The following PPIL3 variants were observed in gnomAD, a reference collection of about 807,000 sequenced individuals.
The protein encoded by PPIL3 is peptidyl-prolyl cis-trans isomerase-like 3.
PPIL3 carries 13 observed loss-of-function variants against 20.9 expected under a neutral mutation model. The ratio of observed to expected loss-of-function variants is 0.62; its 90% CI spans 0.40 to 0.99. The LOEUF is 0.99. PPIL3 is among the 50% of genes least tolerant of loss of function. The pLI is 0.00. For missense variants in PPIL3, 170 were observed against 195.2 expected (o/e 0.87, Z 0.77); for synonymous variants, 71 against 64.4 (o/e 1.10, Z -0.49).
In PPIL3 at chr2:200,885,760, G is replaced by A; in HGVS notation, c.16C>T (p.His6Tyr). Reference sequence around the variant, plus strand: ...ATTTTAATATCACCTACATCTGTATGCAGTGTCACAGACTAAAAAGGAGAG... The same window carrying A: ...ATTTTAATATCACCTACATCTGTATACAGTGTCACAGACTAAAAAGGAGAG... MSVTL[H>Y]TDVGDIKIEV... Residue 6 changes from histidine (H) to tyrosine (Y), a missense_variant, in exon 3 of 7, where the codon CAT becomes TAT. His to Tyr is a moderately conservative substitution (Grantham distance 83). Transcript: ENST00000392283. The A allele has an allele frequency of 3.8e-6, 6 of 1,587,722 alleles. No homozygotes were observed. The highest frequency in any genetic ancestry group is 5.2e-6 in the Non-Finnish European group (6 of 1,160,428).
intron 5 of PPIL3, among the ~76,000 whole-genome samples, chr2:200,877,911 T>G (rs543861262): frequency 6.6e-6 from 1 of 152,246 alleles, no homozygotes; most frequent in African/African-American, 2.4e-5. Flanking sequence ...CAAGAGACAG[T>G]GTATAGAAAT....
chr2:200,877,420 A>T, intron 5 of PPIL3: 1 of 158,104 alleles, frequency 6.3e-6, no homozygotes, highest in Non-Finnish European at 1.4e-5. Flanking sequence ...TTTCTCAATT[A>T]ATTTCATTTT....
chr2:200,882,922 A>G (rs1446504809), intron 3 of PPIL3, among the ~76,000 whole-genome samples: 1 of 151,090 alleles, frequency 6.6e-6, no homozygotes, highest in Non-Finnish European at 1.5e-5. Context: ...AACCAAAAAC[A>G]AAAAGAAAAT....
intron 2 of PPIL3, 29 bp downstream of exon 2, chr2:200,887,584 A>G (rs749388531): frequency 9.7e-6 from 15 of 1,546,666 alleles, no homozygotes; most frequent in Non-Finnish European, 1.3e-5. Context: ...ATAATGAAAG[A>G]CATTAGATAA....
intron 5 of PPIL3, among the ~76,000 whole-genome samples, chr2:200,879,408 C>T (rs1042584074): frequency 1.2e-4 from 19 of 152,036 alleles, no homozygotes; most frequent in Non-Finnish European, 2.4e-4. Context: ...TGTGAGCCAC[C>T]GCGCCCGGCC....
intron 6 of PPIL3, among the ~76,000 whole-genome samples, chr2:200,871,909 C>G (rs535094490): frequency 1.8e-4 from 27 of 152,308 alleles, no homozygotes; most frequent in Non-Finnish European, 3.2e-4. Context: ...CTCCAATTCT[C>G]TGGGTATCCC....
chr2:200,871,232 G>C lies in PPIL3; in HGVS notation c.*163C>G, dbSNP rs1444520531. 1 of 530,566 alleles carries C rather than the reference G, an allele frequency of 1.9e-6. No homozygotes were observed. Among genetic ancestry groups the C allele is most frequent in the Non-Finnish European group, 3.2e-6 (1 of 307,772 alleles). 32.9% of individuals were successfully genotyped at this position (530,566 alleles called of 1,614,324 possible). A position where few individuals can be genotyped will look rare whatever the true frequency, so the allele number is the denominator to read the frequency against. ...TAATAAAGAATATGCTCTAAGAATG[G>C]GGATAAAAGCTGTTGGGCGCCCCTT... On this transcript the variant is annotated 3_prime_UTR_variant, in exon 7 of 7. Coordinates refer to ENST00000392283, the MANE Select transcript of PPIL3 (RefSeq NM_130906.3).
intron 6 of PPIL3, among the ~76,000 whole-genome samples, chr2:200,874,190 G>A (rs1251233552): frequency 2.1e-5 from 3 of 140,712 alleles, no homozygotes; most frequent in African/African-American, 8.1e-5. Context: ...GGGCGACAGA[G>A]TGAGACTCTG....
At chr2:200,876,510 T>C (rs1049962229) in intron 6 of PPIL3, among the ~76,000 whole-genome samples, 3 of 151,454 alleles carry the variant, frequency 2.0e-5, no homozygotes, top group South Asian at 4.2e-4. Flanking sequence ...TTCTTTCTTT[T>C]CTTTTCATTT....
intron 1 of PPIL3, among the ~76,000 whole-genome samples, 169 bp from the exon 2 acceptor site, chr2:200,887,854 C>T (rs1032941156): frequency 2.0e-5 from 3 of 151,866 alleles, no homozygotes; most frequent in Non-Finnish European, 4.4e-5. Flanking sequence ...GTCAGGAGTT[C>T]GAGACCAGCC....
At chr2:200,880,409 C>CTTTTTTTTTTTTTT (rs779189285) in intron 5 of PPIL3, among the ~76,000 whole-genome samples, 2 of 131,888 alleles carry the variant, frequency 1.5e-5, no homozygotes, top group African/African-American at 6.2e-5. Flanking sequence ...ATTGAGTAGA[C>CTTTTTTTTTTTTTT]TTTTTTTTTT....
At chr2:200,883,112 C>CTTTTGTTCT (rs2039796536) in intron 3 of PPIL3, among the ~76,000 whole-genome samples, 3 of 108,820 alleles carry the variant, frequency 2.8e-5, no homozygotes, top group African/African-American at 1.1e-4. Context: ...CTGGAATGTT[C>CTTTTGTTCT]TTTTTTTTTT....
intron 2 of PPIL3, among the ~76,000 whole-genome samples, chr2:200,887,203 G>A (rs2039965618): frequency 2.0e-5 from 3 of 151,930 alleles, no homozygotes; most frequent in Admixed American, 2.0e-4. Context: ...TGCCCAAAAT[G>A]GCGAAACCCC....
Position 200,885,774 on chromosome 2 carries a change from T to C in PPIL3, c.4-2A>G. On this transcript the variant is annotated splice_acceptor_variant, in intron 2 of 6. Transcript: ENST00000392283. LOFTEE classifies it high-confidence loss of function. ...TACATCTGTATGCAGTGTCACAGAC[T>C]AAAAAGGAGAGAAAATGTGAGAACA... 1 of 1,565,612 alleles carries C rather than the reference T, an allele frequency of 6.4e-7. No individual in the cohort carries two copies. Among genetic ancestry groups the C allele is most frequent in the Non-Finnish European group, 8.7e-7 (1 of 1,146,144 alleles).
intron 5 of PPIL3, among the ~76,000 whole-genome samples, chr2:200,878,880 C>T (rs545613252): frequency 6.6e-6 from 1 of 152,244 alleles, no homozygotes; most frequent in East Asian, 1.9e-4. Flanking sequence ...TATTTCACTA[C>T]TGAATATACT....
In PPIL3 at chr2:200,887,620, C is replaced by T. The variant is rs752145101; in HGVS notation, c.-5G>A. On this transcript the variant is annotated 5_prime_UTR_variant, in exon 2 of 7. Transcript: ENST00000392283. ...AAATTGCTCAAAACTTACCATTTTT[C>T]CTCTTAGTGGTTTCAGGAAGGACTA... 3 of 1,603,174 alleles carry T rather than the reference C, an allele frequency of 1.9e-6. No individual in the cohort carries two copies. The South Asian group carries it at 3.3e-5, about 18-fold the overall frequency.
chr2:200,876,020 C>T (rs972822796), intron 6 of PPIL3, among the ~76,000 whole-genome samples: 4 of 152,096 alleles, frequency 2.6e-5, no homozygotes, highest in African/African-American at 7.2e-5. Context: ...CCATGCCAGT[C>T]CATCTTGTTT....
chr2:200,876,284 C>T (rs1383385521), intron 6 of PPIL3, among the ~76,000 whole-genome samples: 1 of 151,530 alleles, frequency 6.6e-6, no homozygotes, highest in African/African-American at 2.4e-5. Context: ...CACCATACTC[C>T]AGCCTGGCGA....
chr2:200,872,293 TGAGAGAGGG>T (rs1178282390), intron 6 of PPIL3, among the ~76,000 whole-genome samples: 2 of 152,076 alleles, frequency 1.3e-5, no homozygotes, highest in Non-Finnish European at 2.9e-5. Flanking sequence ...GGGCAAAGTC[TGAGAGAGGG>T]GCACAGCGCT....
Sources: allele counts gnomAD v4.1 joint callset (sites outside exome capture counted in the v4.1 genomes callset), GRCh38; gene constraint gnomAD v4.1.1; transcripts MANE v1.5; gene names NCBI Gene and HGNC (gene_info 2026-07-23, HGNC 2026-07-21).